Variants in IFT70B observed in about 807,000 individuals in gnomAD.
The protein encoded by IFT70B is intraflagellar transport 70B, also known as intraflagellar transport protein 70B.
the IFT70B span, chr2:177,550,055 TCA>T: frequency 1.3e-5 from 2 of 152,186 alleles, no homozygotes; most frequent in African/African-American, 4.8e-5. Flanking sequence ...CTGTTATTTC[TCA>T]CAGAGATATT....
the IFT70B span, chr2:177,551,932 G>A: frequency 4.3e-6 from 7 of 1,614,166 alleles, no homozygotes; most frequent in African/African-American, 5.3e-5. Flanking sequence ...GCCCTGGGTG[G>A]CATGTCAGTG....
the IFT70B span, chr2:177,550,866 G>C: frequency 1.2e-6 from 2 of 1,613,986 alleles, no homozygotes; most frequent in Non-Finnish European, 1.7e-6. Flanking sequence ...TTCTTCCAGG[G>C]GTTGTTCAAT....
the IFT70B span, chr2:177,550,658 A>T: frequency 2.0e-6 from 2 of 1,008,324 alleles, no homozygotes; most frequent in South Asian, 1.9e-5. Flanking sequence ...TATAATGCAT[A>T]AGTGTACAAA....
At chr2:177,550,665 C>A in the IFT70B span, 1 of 1,118,306 alleles carries the variant, frequency 8.9e-7, no homozygotes, top group Non-Finnish European at 1.3e-6. Context: ...CATAAGTGTA[C>A]AAAGTTCAAC....
the IFT70B span, chr2:177,549,408 G>A: frequency 5.9e-5 from 9 of 152,202 alleles, no homozygotes; most frequent in Middle Eastern, 3.1e-3. Context: ...GTACTTATGT[G>A]GCTAAGTGGT....
At chr2:177,551,209 C>T in the IFT70B span, 12 of 1,613,606 alleles carry the variant, frequency 7.4e-6, no homozygotes, top group Non-Finnish European at 1.0e-5. Flanking sequence ...CTCATCAACT[C>T]CTCTGCTTCT....
the IFT70B span, chr2:177,552,258 T>G: frequency 2.5e-6 from 4 of 1,614,138 alleles, no homozygotes; most frequent in East Asian, 8.9e-5. Flanking sequence ...AGCTTCATAC[T>G]GTCCCTCCTT....
the IFT70B span, chr2:177,551,232 G>A: frequency 1.9e-6 from 3 of 1,613,632 alleles, no homozygotes; most frequent in Admixed American, 1.7e-5. Flanking sequence ...ATTTTGACTT[G>A]TCATAATATA....
At chr2:177,552,114 C>T in the IFT70B span, 13 of 1,614,104 alleles carry the variant, frequency 8.1e-6, no homozygotes, top group African/African-American at 2.7e-5. Context: ...GCGGATGCCA[C>T]GCTCAATAAT....
chr2:177,552,274 G>A, the IFT70B span: 1 of 1,614,232 alleles, frequency 6.2e-7, no homozygotes, highest in Non-Finnish European at 8.5e-7. Flanking sequence ...TCCTTGTAGA[G>A]CAAACAACCC....
chr2:177,552,451 G>A, the IFT70B span: 1 of 1,612,904 alleles, frequency 6.2e-7, no homozygotes, highest in Non-Finnish European at 8.5e-7. Flanking sequence ...TTATCCAGGA[G>A]AAGGAAGGCG....
the IFT70B span, chr2:177,552,780 A>G: frequency 6.6e-7 from 1 of 1,514,830 alleles, no homozygotes; most frequent in East Asian, 2.3e-5. Context: ...CACGGCTGTT[A>G]TGGGTGCGGT....
chr2:177,551,155 C>T, the IFT70B span: 19 of 1,613,636 alleles, frequency 1.2e-5, no homozygotes, highest in African/African-American at 4.0e-5. Flanking sequence ...ATTTTCTTAT[C>T]TGGGTCATCA....
the IFT70B span, chr2:177,550,678 G>A: frequency 8.2e-7 from 1 of 1,221,390 alleles, no homozygotes; most frequent in Non-Finnish European, 1.1e-6. Context: ...AGTTCAACAT[G>A]TAACAAATAT....
At chr2:177,549,784 T>A in the IFT70B span, 1 of 152,176 alleles carries the variant, frequency 6.6e-6, no homozygotes, top group Non-Finnish European at 1.5e-5. Flanking sequence ...ACCTTTTTGG[T>A]CAGACCTGGT....
chr2:177,550,900 G>C, the IFT70B span: 1 of 1,614,084 alleles, frequency 6.2e-7, no homozygotes, highest in Non-Finnish European at 8.5e-7. Flanking sequence ...TTTCTGCCAT[G>C]AAGTTCACAG....
chr2:177,551,128 C>T, the IFT70B span: 66 of 1,614,038 alleles, frequency 4.1e-5, no homozygotes, highest in Non-Finnish European at 5.4e-5. Flanking sequence ...ACCAAATTCA[C>T]AATGCAGAGA....
chr2:177,551,254 G>A, the IFT70B span: 1 of 1,613,930 alleles, frequency 6.2e-7, no homozygotes, highest in Admixed American at 1.7e-5. Context: ...GAAACACAGA[G>A]ATTAGCCAGT....
chr2:177,551,599 C>G, the IFT70B span: 3 of 1,614,118 alleles, frequency 1.9e-6, no homozygotes, highest in Non-Finnish European at 2.5e-6. Flanking sequence ...TTCCGGAGGA[C>G]CTCAGTCAGC....
Sources: gnomAD v4.1 joint callset for allele counts on GRCh38, gnomAD v4.1.1 for gene constraint, MANE v1.5 for transcripts, NCBI Gene and HGNC (gene_info 2026-07-23, HGNC 2026-07-21) for gene names.